Variants in DPP3 observed in about 807,000 individuals in gnomAD.
DPP3 encodes dipeptidyl peptidase 3.
In DPP3, 64 loss-of-function variants were observed where a neutral mutation model predicts 89.8. That is an observed-to-expected ratio of 0.71 (90% CI 0.58 to 0.88). The LOEUF (loss-of-function observed/expected upper bound fraction) is 0.88, where lower values mean the gene tolerates loss of function less well. Among genes scored for constraint, DPP3 ranks in the 40% least tolerant of loss-of-function variants. The pLI is 0.00. For synonymous variants in DPP3, 377 were observed against 404.3 expected, an observed-to-expected ratio of 0.93 and a Z score of 0.81; for missense variants, 835 against 972.5, an observed-to-expected ratio of 0.86 and a Z score of 1.88.
intron 6 of DPP3, among the ~76,000 whole-genome samples, chr11:66,489,299 A>G (rs1003557281): frequency 2.0e-5 from 3 of 151,990 alleles, no homozygotes; most frequent in African/African-American, 4.8e-5. Context: ...ACCTTTCCCT[A>G]TCTTCCCATA....
At chr11:66,500,981 G>A (rs566364637) in intron 16 of DPP3, among the ~76,000 whole-genome samples, 1 of 152,206 alleles carries the variant, frequency 6.6e-6, no homozygotes, top group Non-Finnish European at 1.5e-5. Context: ...CTGAGGTTAG[G>A]AGTTCAAGAC....
At chr11:66,488,100 A>C in intron 6 of DPP3, 93 bp downstream of exon 6, 2 of 1,075,854 alleles carry the variant, frequency 1.9e-6, no homozygotes, top group Non-Finnish European at 2.7e-6. Flanking sequence ...CTCCTTCAGA[A>C]AGAGCATCCT....
chr11:66,498,909 A>C (rs1324516550), intron 16 of DPP3, among the ~76,000 whole-genome samples: 1 of 152,190 alleles, frequency 6.6e-6, no homozygotes, highest in African/African-American at 2.4e-5. Context: ...GCCACACAGG[A>C]GGCTGAGATG....
rs1466395247 is a variant in DPP3 at position 66,504,662 on chromosome 11, G to A, written c.1929G>A (p.Gly643=). The A allele has an allele frequency of 3.1e-6, 5 of 1,613,332 alleles. No individual in the cohort carries two copies. Among genetic ancestry groups the A allele is most frequent in the African/African-American group, 2.7e-5 (2 of 74,882 alleles). The change falls in exon 17 of 18, where the codon GGG becomes GGA. Residue 643 remains glycine (G), a synonymous_variant. Coordinates refer to ENST00000531863, the MANE Select transcript of DPP3 (RefSeq NM_130443.4). ...DVAGGRALYE[G]YATVTDAPPE... is the part of the protein sequence containing the mutation. ...CCGGAGGGCGGGCCCTGTACGAGGG[G>A]TATGCAACAGTCACTGATGCGCCCC...
chr11:66,488,250 C>G (rs1313448435), intron 6 of DPP3, among the ~76,000 whole-genome samples: 10 of 152,188 alleles, frequency 6.6e-5, no homozygotes. Flanking sequence ...CAAGCCTACC[C>G]TGGAGTCAGG....
chr11:66,490,145 TAAAAAAAAAAAAA>T (rs201526861), intron 6 of DPP3, among the ~76,000 whole-genome samples: 52,510 of 95,158 alleles, frequency 0.55, 10,718 homozygotes, highest in African/African-American at 0.61. Flanking sequence ...AGATCCTATC[TAAAAAAAAAAAAA>T]AAAAAAAAAA....
At chr11:66,506,452 G>C (rs1009772861) in intron 17 of DPP3, among the ~76,000 whole-genome samples, 2 of 137,990 alleles carry the variant, frequency 1.4e-5, no homozygotes, top group Non-Finnish European at 3.1e-5. Flanking sequence ...ACAGGGTTTT[G>C]CCATGTTGGC....
In DPP3 at chr11:66,486,585, C is replaced by T. The variant is rs200014276; in HGVS notation, c.406C>T (p.His136Tyr). Residue 136 changes from histidine to tyrosine, a missense_variant, in exon 4 of 18, where the codon CAC (histidine) becomes TAC (tyrosine). His to Tyr is a moderately conservative substitution (Grantham distance 83). Transcript: ENST00000531863. ...CCTAGGGAGTGAGGCTGCTCAGCAG[C>T]ACCCAGAAGAAGTCAGGGGCCTCTG... ...VILGSEAAQQ[H>Y]PEEVRGLWQT... 2 of 1,579,918 alleles carry T rather than the reference C, an allele frequency of 1.3e-6. No individual in the cohort carries two copies.
At chr11:66,483,136 C>T (rs1210929224) in intron 2 of DPP3, 1 of 151,890 alleles carries the variant, frequency 6.6e-6, no homozygotes, top group African/African-American at 2.4e-5. Context: ...AAGCACTTCT[C>T]ATGCCTCAGC....
At chr11:66,504,920 A>G in intron 17 of DPP3, 146 bp downstream of exon 17, 6 of 818,450 alleles carry the variant, frequency 7.3e-6, no homozygotes, top group South Asian at 2.5e-5. Context: ...GGTCCTTCCC[A>G]TGCCAAACCT....
Position 66,487,337 on chromosome 11 carries a change from T to G in DPP3, c.568T>G (p.Ser190Ala). The change falls in exon 5 of 18, where the codon TCA becomes GCA. Residue 190 changes from serine (S) to alanine (A), a missense_variant. Physicochemically the swap from Ser to Ala is moderately conservative, Grantham distance 99 (BLOSUM62 1). Coordinates refer to ENST00000531863, the MANE Select transcript of DPP3 (RefSeq NM_130443.4). Reference sequence around the variant, plus strand: ...CAAATTGGCCCAGGACTTTCTGGACTCACAGGTTTGGGGTTAGGGGAGCTC... The same window carrying G: ...CAAATTGGCCCAGGACTTTCTGGACGCACAGGTTTGGGGTTAGGGGAGCTC... ...DAKLAQDFLD[S>A]QNLSAYNTRL... is the part of the protein sequence containing the mutation. The G allele has an allele frequency of 6.2e-7, 1 of 1,614,012 alleles. No individual in the cohort carries two copies. The highest frequency in any genetic ancestry group is 8.5e-7 in the Non-Finnish European group (1 of 1,179,920).
intron 12 of DPP3, among the ~76,000 whole-genome samples, chr11:66,494,829 C>T (rs1252729868): frequency 6.6e-6 from 1 of 152,188 alleles, no homozygotes; most frequent in African/African-American, 2.4e-5. Context: ...CTGGCAGTGC[C>T]AGGAGCCCGT....
intron 9 of DPP3, 42 bp downstream of exon 9, chr11:66,491,798 C>A (rs773970959): frequency 4.4e-6 from 7 of 1,606,138 alleles, no homozygotes; most frequent in Non-Finnish European, 6.0e-6. Context: ...TCCCTTCCCC[C>A]ACATCCAAGT....
intron 17 of DPP3, among the ~76,000 whole-genome samples, chr11:66,505,329 C>T (rs1312714654): frequency 6.6e-6 from 1 of 152,182 alleles, no homozygotes; most frequent in African/African-American, 2.4e-5. Context: ...TTCCTCTCAC[C>T]CCTTGACTCA....
chr11:66,507,453 C>T (rs931283175), intron 17 of DPP3, among the ~76,000 whole-genome samples: 10 of 151,178 alleles, frequency 6.6e-5, no homozygotes, highest in African/African-American at 2.2e-4. Context: ...GGTGACAGAG[C>T]GAGACTCCAT....
At chr11:66,494,733 G>A (rs1293285244) in intron 12 of DPP3, among the ~76,000 whole-genome samples, 3 of 152,184 alleles carry the variant, frequency 2.0e-5, no homozygotes, top group Admixed American at 6.5e-5. Flanking sequence ...CACTGTCCTC[G>A]GAAGATGGTT....
Position 66,504,669 on chromosome 11 carries a change from A to C in DPP3, c.1936A>C (p.Thr646Pro). ...GCGGGCCCTGTACGAGGGGTATGCAACAGTCACTGATGCGCCCCCCGAGTG... is the reference window on the plus strand; with the variant it reads ...GCGGGCCCTGTACGAGGGGTATGCACCAGTCACTGATGCGCCCCCCGAGTG... ...GGRALYEGYA[T>P]VTDAPPECFL... The change falls in exon 17 of 18, where the codon ACA (threonine) becomes CCA (proline). Residue 646 changes from threonine to proline, a missense_variant. By Grantham distance (38) the Thr-to-Pro change is conservative. Transcript: ENST00000531863. The C allele has an allele frequency of 6.2e-7, 1 of 1,613,322 alleles. No homozygotes were observed. Among genetic ancestry groups the C allele is most frequent in the Non-Finnish European group, 8.5e-7 (1 of 1,179,800 alleles).
intron 16 of DPP3, among the ~76,000 whole-genome samples, chr11:66,501,858 ATATGATTGAGAG>A (rs1264454564): frequency 1.3e-5 from 2 of 151,356 alleles, no homozygotes; most frequent in South Asian, 2.1e-4. Context: ...AGAACTTAAT[ATATGATTGAGAG>A]TAAAACTCAG....
intron 2 of DPP3, 142 bp from the exon 3 acceptor site, chr11:66,485,031 T>C: frequency 1.3e-6 from 1 of 755,362 alleles, no homozygotes; most frequent in Non-Finnish European, 2.2e-6. Context: ...AGACTGGGGC[T>C]TCCCAGGACC....
Sources: gnomAD v4.1 joint callset for allele counts (sites outside exome capture counted in the v4.1 genomes callset) on GRCh38, gnomAD v4.1.1 for gene constraint, MANE v1.5 for transcripts, NCBI Gene and HGNC (gene_info 2026-07-23, HGNC 2026-07-21) for gene names.